Variants in RNF13 observed in about 807,000 individuals in gnomAD.
RNF13 encodes E3 ubiquitin-protein ligase RNF13.
RNF13 carries 19 observed loss-of-function variants against 37.7 expected under a neutral mutation model. The ratio of observed to expected loss-of-function variants is 0.50; its 90% CI spans 0.35 to 0.74. The LOEUF is 0.74. RNF13 is among the 30% of genes least tolerant of loss of function. The pLI, the probability that RNF13 is intolerant of heterozygous loss-of-function variation, is 0.01. For missense variants in RNF13, 375 were observed against 453.0 expected (o/e 0.83, Z 1.56); for synonymous variants, 144 against 157.8 (o/e 0.91, Z 0.65).
chr3:149,849,090 T>G (rs1576759017), intron 2 of RNF13, among the ~76,000 whole-genome samples: 1 of 152,252 alleles, frequency 6.6e-6, no homozygotes, highest in Non-Finnish European at 1.5e-5. Flanking sequence ...ATCATTTTTC[T>G]TTTACCCAAA....
chr3:149,956,389 G>A (rs570768626), intron 8 of RNF13, among the ~76,000 whole-genome samples: 1 of 152,180 alleles, frequency 6.6e-6, no homozygotes, highest in Non-Finnish European at 1.5e-5. Flanking sequence ...AAGGCTCTAA[G>A]CAAAAGAAGC....
At chr3:149,863,687 G>T (rs1207422228) in intron 3 of RNF13, among the ~76,000 whole-genome samples, 1 of 152,034 alleles carries the variant, frequency 6.6e-6, no homozygotes, top group Non-Finnish European at 1.5e-5. Context: ...GGCTACATTT[G>T]TTCATAATAC....
intron 7 of RNF13, among the ~76,000 whole-genome samples, chr3:149,912,461 A>C (rs1375639079): frequency 6.6e-6 from 1 of 152,016 alleles, no homozygotes; most frequent in Non-Finnish European, 1.5e-5. Context: ...AACGAATTGC[A>C]AAAAAAATTT....
chr3:149,862,406 C>G (rs1232409868), intron 3 of RNF13, among the ~76,000 whole-genome samples: 1 of 151,970 alleles, frequency 6.6e-6, no homozygotes, highest in African/African-American at 2.4e-5. Context: ...ATTCTGTTCC[C>G]TTACCTCGCT....
intron 7 of RNF13, among the ~76,000 whole-genome samples, chr3:149,916,338 T>G (rs1045771597): frequency 2.6e-5 from 4 of 152,202 alleles, no homozygotes; most frequent in Non-Finnish European, 4.4e-5. Context: ...TAAGTTATCT[T>G]TATTCATATC....
At chr3:149,841,269 C>T (rs1485757463) in intron 1 of RNF13, among the ~76,000 whole-genome samples, 4 of 152,156 alleles carry the variant, frequency 2.6e-5, no homozygotes, top group Non-Finnish European at 4.4e-5. Context: ...CCTCAGGAGG[C>T]TTCCTGGAAA....
chr3:149,950,180 A>G (rs1274815130), intron 8 of RNF13, among the ~76,000 whole-genome samples: 1 of 152,118 alleles, frequency 6.6e-6, no homozygotes, highest in Non-Finnish European at 1.5e-5. Flanking sequence ...TTAACCAACC[A>G]TTGTTGCATG....
At chr3:149,911,584 C>T (rs1025480901) in intron 6 of RNF13, among the ~76,000 whole-genome samples, 6 of 151,618 alleles carry the variant, frequency 4.0e-5, no homozygotes, top group African/African-American at 1.2e-4. Flanking sequence ...ACTTGAACCC[C>T]GGAGGTGGAG....
chr3:149,861,548 TCTCA>T (rs1724255905), intron 3 of RNF13, among the ~76,000 whole-genome samples: 1 of 152,170 alleles, frequency 6.6e-6, no homozygotes. Flanking sequence ...TATCCCATGT[TCTCA>T]CTCATTTGTA....
intron 2 of RNF13, among the ~76,000 whole-genome samples, chr3:149,848,259 G>A (rs1307919789): frequency 1.3e-5 from 2 of 152,108 alleles, no homozygotes; most frequent in African/African-American, 4.8e-5. Flanking sequence ...AGTGTTCCTT[G>A]TGCTTTACAC....
At chr3:149,843,242 ATAC>A (rs1722339853) in intron 1 of RNF13, among the ~76,000 whole-genome samples, 1 of 152,110 alleles carries the variant, frequency 6.6e-6, no homozygotes, top group Non-Finnish European at 1.5e-5. Context: ...TTATATACAA[ATAC>A]TACATGATTT....
At position 149,953,534 on chromosome 3, in the gene RNF13, C is replaced by T. The variant is rs147498909; in HGVS notation, c.701-6522C>T. Among the ~76,000 whole-genome samples the T allele has an allele frequency of 2.2e-3, 332 of 152,296 alleles. 2 individuals are homozygous for T. Among genetic ancestry groups the T allele is most frequent in the African/African-American group, 7.5e-3 (312 of 41,576 alleles). The stretch of plus-strand genomic sequence containing the variant: ...AGTGTTCTGGCTTATGAATTGGAAA[C>T]ATTTTCATCCCTAGTAAATACGTAG... On this transcript the variant is annotated intron_variant, in intron 8 of 9. Coordinates refer to ENST00000392894, the MANE Select transcript of RNF13 (RefSeq NM_183381.3).
chr3:149,877,895 A>T (rs1576808273), intron 4 of RNF13, among the ~76,000 whole-genome samples: 1 of 152,098 alleles, frequency 6.6e-6, no homozygotes, highest in East Asian at 1.9e-4. Context: ...TCATTTGTTC[A>T]TTCATTTCTT....
chr3:149,860,270 A>AAAAAATAT (rs1302318768), intron 3 of RNF13, among the ~76,000 whole-genome samples: 5 of 104,116 alleles, frequency 4.8e-5, no homozygotes, highest in African/African-American at 1.7e-4. Context: ...AAAAAAAAAA[A>AAAAAATAT]ATATATATAT....
intron 7 of RNF13, among the ~76,000 whole-genome samples, chr3:149,915,117 GTAA>G (rs1348446897): frequency 1.3e-5 from 2 of 152,056 alleles, no homozygotes; most frequent in African/African-American, 2.4e-5. Context: ...TTTATCTGTT[GTAA>G]TAATAATTGG....
chr3:149,819,098 CT>C (rs1173488408), intron 1 of RNF13, among the ~76,000 whole-genome samples: 1 of 152,130 alleles, frequency 6.6e-6, no homozygotes, highest in Admixed American at 6.5e-5. Context: ...ATTTCCTCAC[CT>C]GTAAATGAAG....
At chr3:149,871,898 C>A in intron 3 of RNF13, 131 bp from the exon 4 acceptor site, 1 of 578,492 alleles carries the variant, frequency 1.7e-6, no homozygotes, top group Non-Finnish European at 2.7e-6. Context: ...TGATTGTGAG[C>A]AATTTTACAT....
intron 8 of RNF13, among the ~76,000 whole-genome samples, chr3:149,957,465 TCA>T: frequency 6.6e-6 from 1 of 152,298 alleles, no homozygotes; most frequent in East Asian, 1.9e-4. Flanking sequence ...TCTTTTACAC[TCA>T]CAGTTTATGG....
At chr3:149,923,939 T>G (rs1208044202) in intron 8 of RNF13, among the ~76,000 whole-genome samples, 1 of 152,018 alleles carries the variant, frequency 6.6e-6, no homozygotes, top group Non-Finnish European at 1.5e-5. Context: ...CTGCTGACAT[T>G]AAGAATAGGT....
Sources: gnomAD v4.1 joint callset for allele counts (sites outside exome capture counted in the v4.1 genomes callset) on GRCh38, gnomAD v4.1.1 for gene constraint, MANE v1.5 for transcripts, NCBI Gene and HGNC (gene_info 2026-07-23, HGNC 2026-07-21) for gene names.